KCNIP3: variants seen among roughly 807,000 people sequenced by gnomAD.
The protein encoded by KCNIP3 is calsenilin.
Under a neutral mutation model 35.0 loss-of-function variants are expected in KCNIP3, and 28 were observed. That is an observed-to-expected ratio of 0.80 (90% CI 0.59 to 1.10). The LOEUF (loss-of-function observed/expected upper bound fraction) is 1.10. Ranked by LOEUF, KCNIP3 falls within the 50% of genes least tolerant of loss-of-function variation. KCNIP3 has a pLI of 0.00. For missense variants in KCNIP3, 295 were observed against 338.4 expected, an observed-to-expected ratio of 0.87 and a Z score of 1.01; for synonymous variants, 134 against 133.8, an observed-to-expected ratio of 1.00 and a Z score of -0.01.
chr2:95,332,908 A>G (rs561095290), intron 2 of KCNIP3, among the ~76,000 whole-genome samples: 2 of 152,304 alleles, frequency 1.3e-5, no homozygotes, highest in African/African-American at 4.8e-5. Context: ...GGGAATCACA[A>G]TTACATCCTT....
At chr2:95,301,889 T>C (rs1381504436) in intron 1 of KCNIP3, among the ~76,000 whole-genome samples, 1 of 151,772 alleles carries the variant, frequency 6.6e-6, no homozygotes, top group Non-Finnish European at 1.5e-5. Context: ...CGCTCATAGG[T>C]GTGTTTGCAG....
chr2:95,372,382 G>A (rs2104297511), intron 2 of KCNIP3, among the ~76,000 whole-genome samples: 1 of 152,336 alleles, frequency 6.6e-6, no homozygotes, highest in African/African-American at 2.4e-5. Context: ...CCTTGTGCAG[G>A]CCCCTGGGCA....
intron 2 of KCNIP3, among the ~76,000 whole-genome samples, chr2:95,334,007 C>T (rs1276708370): frequency 2.0e-5 from 3 of 152,204 alleles, no homozygotes; most frequent in Non-Finnish European, 4.4e-5. Flanking sequence ...CATCAAGCGT[C>T]CCAGATGGAA....
chr2:95,310,662 T>A, intron 2 of KCNIP3, 142 bp downstream of exon 2: 2 of 870,110 alleles, frequency 2.3e-6, no homozygotes, highest in Non-Finnish European at 3.7e-6. Context: ...TGTGTTTTCA[T>A]TCATTCACAC....
At chr2:95,383,727 C>G (rs761827477) in intron 8 of KCNIP3, among the ~76,000 whole-genome samples, 2 of 152,246 alleles carry the variant, frequency 1.3e-5, no homozygotes, top group Non-Finnish European at 2.9e-5. Context: ...TCCTGGTTAG[C>G]GCCCACCTCC....
At chr2:95,350,824 G>A (rs992412444) in intron 2 of KCNIP3, among the ~76,000 whole-genome samples, 13 of 152,232 alleles carry the variant, frequency 8.5e-5, no homozygotes, top group African/African-American at 2.7e-4. Flanking sequence ...ATCTCTGGGT[G>A]AAACCCAGGC....
At chr2:95,345,519 G>A (rs1300155048) in intron 2 of KCNIP3, among the ~76,000 whole-genome samples, 1 of 152,252 alleles carries the variant, frequency 6.6e-6, no homozygotes, top group Non-Finnish European at 1.5e-5. Flanking sequence ...GTGAGTGGCA[G>A]AGGCTCCCTA....
intron 2 of KCNIP3, chr2:95,312,424 A>G (rs1366615651): frequency 2.0e-5 from 3 of 152,278 alleles, no homozygotes; most frequent in Non-Finnish European, 2.9e-5. Context: ...ATCCCACCTC[A>G]CGGAAGCTTC....
At chr2:95,383,377 C>T in intron 8 of KCNIP3, 83 bp downstream of exon 8, 1 of 1,347,806 alleles carries the variant, frequency 7.4e-7, no homozygotes, top group South Asian at 1.2e-5. Flanking sequence ...CCCCTTCCCT[C>T]ACCCCAGTCC....
intron 2 of KCNIP3, among the ~76,000 whole-genome samples, chr2:95,353,272 C>T (rs1347018425): frequency 6.6e-6 from 1 of 152,216 alleles, no homozygotes; most frequent in African/African-American, 2.4e-5. Context: ...TCTCCCAGCA[C>T]TCCCCACACA....
intron 2 of KCNIP3, among the ~76,000 whole-genome samples, chr2:95,365,730 A>C (rs1351911454): frequency 6.6e-6 from 1 of 152,126 alleles, no homozygotes; most frequent in African/African-American, 2.4e-5. Flanking sequence ...GATTAAGTTC[A>C]TCCTACTCTG....
chr2:95,359,638 C>T (rs971220195), intron 2 of KCNIP3, among the ~76,000 whole-genome samples: 7 of 152,238 alleles, frequency 4.6e-5, no homozygotes, highest in Admixed American at 1.3e-4. Flanking sequence ...TGGAGTGGCT[C>T]TCCCTCTGCA....
chr2:95,358,437 C>T (rs556169785), intron 2 of KCNIP3, among the ~76,000 whole-genome samples: 4 of 152,310 alleles, frequency 2.6e-5, no homozygotes, highest in Admixed American at 2.6e-4. Flanking sequence ...TGCTGTACAA[C>T]TTTTAAACAT....
chr2:95,328,960 G>A (rs771014285), intron 2 of KCNIP3, among the ~76,000 whole-genome samples: 1 of 152,176 alleles, frequency 6.6e-6, no homozygotes, highest in Non-Finnish European at 1.5e-5. Context: ...GAGGGGAGCT[G>A]CAGAGGAGGG....
chr2:95,375,710 AAGG>A (rs1680167408), intron 5 of KCNIP3, among the ~76,000 whole-genome samples: 1 of 152,152 alleles, frequency 6.6e-6, no homozygotes, highest in Non-Finnish European at 1.5e-5. Context: ...CCACTGGCGG[AAGG>A]AGAAGCCTGT....
chr2:95,330,502 C>G (rs1678900674), intron 2 of KCNIP3, among the ~76,000 whole-genome samples: 1 of 152,162 alleles, frequency 6.6e-6, no homozygotes, highest in Non-Finnish European at 1.5e-5. Flanking sequence ...CCCTCGAGGC[C>G]CAGTCCGGGT....
rs749112524 is a variant in KCNIP3 at position 95,374,289 on chromosome 2, A to T, written c.182-7A>T. On this transcript the variant is annotated splice_region_variant and splice_polypyrimidine_tract_variant and intron_variant, in intron 2 of 8. Coordinates refer to ENST00000295225, the MANE Select transcript of KCNIP3 (RefSeq NM_013434.5). ...CCTTACACTCTCTGGTCTGTGTCCC[A>T]CTCCAGATAGCAGCGACAGTGAGCT... 6.2e-7 allele frequency: 1 copy of T among 1,613,306 alleles called. No individual in the cohort carries two copies. The highest frequency in any genetic ancestry group is 1.1e-5 in the South Asian group (1 of 91,044).
intron 2 of KCNIP3, among the ~76,000 whole-genome samples, chr2:95,343,592 G>A (rs76763973): frequency 0.039 from 5,876 of 152,240 alleles, 154 homozygotes; most frequent in Non-Finnish European, 0.054. Context: ...AGGTGGTCAG[G>A]AACAGTTAGC....
intron 2 of KCNIP3, among the ~76,000 whole-genome samples, chr2:95,349,827 G>A (rs1407547694): frequency 1.3e-5 from 2 of 152,318 alleles, no homozygotes; most frequent in African/African-American, 2.4e-5. Flanking sequence ...GCCTTGCTTC[G>A]GCAAGTGTGC....
Sources: gnomAD v4.1 joint callset for allele counts (sites outside exome capture counted in the v4.1 genomes callset) on GRCh38, gnomAD v4.1.1 for gene constraint, MANE v1.5 for transcripts, NCBI Gene and HGNC (gene_info 2026-07-23, HGNC 2026-07-21) for gene names.